ACVR1C: variants seen among roughly 807,000 people sequenced by gnomAD.
The protein encoded by ACVR1C is activin receptor type-1C.
A neutral mutation model predicts 57.9 loss-of-function variants in ACVR1C; 23 were observed. The ratio of observed to expected loss-of-function variants is 0.40; its 90% CI spans 0.29 to 0.56. The LOEUF is 0.56. Ranked by LOEUF, ACVR1C falls within the 20% of genes least tolerant of loss-of-function variation. ACVR1C has a pLI of 0.50. For missense variants in ACVR1C, 480 were observed against 607.9 expected, an observed-to-expected ratio of 0.79 and a Z score of 2.21; for synonymous variants, 214 against 215.3, an observed-to-expected ratio of 0.99 and a Z score of 0.05.
chr2:157,613,525 C>T (rs1682579039), intron 1 of ACVR1C, among the ~76,000 whole-genome samples: 1 of 152,090 alleles, frequency 6.6e-6, no homozygotes, highest in Non-Finnish European at 1.5e-5. Context: ...GGAGGGCCAA[C>T]TGTATAGGAT....
intron 2 of ACVR1C, among the ~76,000 whole-genome samples, chr2:157,584,034 T>C (rs907985913): frequency 7.3e-5 from 11 of 151,012 alleles, no homozygotes; most frequent in African/African-American, 2.7e-4. Flanking sequence ...AATTTCAACC[T>C]TGTGCTCTGT....
intron 8 of ACVR1C, among the ~76,000 whole-genome samples, chr2:157,534,545 T>A (rs189983227): frequency 1.7e-4 from 26 of 152,232 alleles, no homozygotes; most frequent in Non-Finnish European, 2.9e-4. Flanking sequence ...AGTACACAAG[T>A]GTAAACGTAC....
At chr2:157,627,111 T>C (rs774995147) in intron 1 of ACVR1C, among the ~76,000 whole-genome samples, 6 of 152,202 alleles carry the variant, frequency 3.9e-5, no homozygotes, top group Non-Finnish European at 7.3e-5. Context: ...TGTAGAAATG[T>C]GTGCAGCCAA....
In ACVR1C at chr2:157,538,625, A is replaced by C. The variant is rs1234352753; in HGVS notation, c.1304T>G (p.Val435Gly). ...DPSIEEMRKV[V>G]CDQKFRPSIP... Reference sequence around the variant, plus strand: ...ACTTGGTCGAAACTTCTGGTCACAAACAACCTTTCTCATTTCCTCTATCGA... The same window carrying C: ...ACTTGGTCGAAACTTCTGGTCACAACCAACCTTTCTCATTTCCTCTATCGA... The change falls in exon 8 of 9, where the codon GTT (valine) becomes GGT (glycine). Residue 435 changes from valine (V) to glycine (G), a missense_variant. Transcript: ENST00000243349. 1 of 1,586,718 alleles carries C rather than the reference A, an allele frequency of 6.3e-7. No homozygotes were observed. The highest frequency in any genetic ancestry group is 8.6e-7 in the Non-Finnish European group (1 of 1,166,928).
intron 1 of ACVR1C, among the ~76,000 whole-genome samples, chr2:157,622,911 GA>G (rs971222343): frequency 1.4e-4 from 21 of 151,722 alleles, no homozygotes; most frequent in Non-Finnish European, 2.1e-4. Flanking sequence ...ACACTGTAGG[GA>G]AAAAAAATCT....
rs1424033200 is a variant in ACVR1C, at chr2:157,528,032, T to C, written c.*5886A>G. ...AAGATAAAGTATTATTTCTTCTAAGTTCTTTGTTCAATCTGTAGATGTCAA... is the reference window on the plus strand; with the variant it reads ...AAGATAAAGTATTATTTCTTCTAAGCTCTTTGTTCAATCTGTAGATGTCAA... On this transcript the variant is annotated 3_prime_UTR_variant, in exon 9 of 9. Transcript: ENST00000243349. The C allele has an allele frequency of 2.0e-5, 3 of 152,196 alleles. No homozygotes were observed. The highest frequency in any genetic ancestry group is 7.2e-5 in the African/African-American group (3 of 41,452). The allele number at this position is 152,196 out of a possible 1,614,324, so 9.4% of individuals were successfully genotyped here. A position where few individuals can be genotyped will look rare whatever the true frequency, so the allele number is the denominator to read the frequency against.
At chr2:157,555,023 A>G (rs1688061651) in intron 3 of ACVR1C, among the ~76,000 whole-genome samples, 1 of 151,884 alleles carries the variant, frequency 6.6e-6, no homozygotes, top group South Asian at 2.1e-4. Flanking sequence ...AAATAAAAAT[A>G]AAAATAAAAA....
intron 2 of ACVR1C, among the ~76,000 whole-genome samples, chr2:157,572,456 A>G (rs961499906): frequency 7.9e-5 from 12 of 152,148 alleles, no homozygotes; most frequent in Non-Finnish European, 1.8e-4. Context: ...GCTCACTTGG[A>G]AAAAACTGAT....
chr2:157,530,318 G>A lies in ACVR1C; in HGVS notation c.*3600C>T, dbSNP rs1414268626. On this transcript the variant is annotated 3_prime_UTR_variant, in exon 9 of 9. Coordinates refer to ENST00000243349, the MANE Select transcript of ACVR1C (RefSeq NM_145259.3). ...TCAATCAAAGACTATGCCCTAACAA[G>A]CAATTTTAAGTTGTTTACTCAAACT... 1.3e-5 allele frequency: 2 copies of A among 152,146 alleles called. No individual in the cohort carries two copies. 9.4% of individuals were successfully genotyped at this position (152,146 alleles called of 1,614,324 possible).
At chr2:157,554,275 G>GA (rs1688022819) in intron 3 of ACVR1C, among the ~76,000 whole-genome samples, 13 of 123,412 alleles carry the variant, frequency 1.1e-4, no homozygotes, top group African/African-American at 4.8e-4. Context: ...AAGAAAGGAA[G>GA]GAAGGAAGAG....
chr2:157,574,233 C>T (rs1688591593), intron 2 of ACVR1C, among the ~76,000 whole-genome samples: 1 of 152,178 alleles, frequency 6.6e-6, no homozygotes, highest in South Asian at 2.1e-4. Context: ...GCTAGGAAGT[C>T]TAAGATCAAC....
chr2:157,620,537 C>T lies in ACVR1C; in HGVS notation c.73+8035G>A, dbSNP rs188448877. Among the ~76,000 whole-genome samples the T allele has an allele frequency of 8.6e-5, 13 of 151,770 alleles. No individual in the cohort carries two copies. In the East Asian group the frequency reaches 1.9e-3, roughly 23 times the overall value. On this transcript the variant is annotated intron_variant, in intron 1 of 8. Transcript: ENST00000243349. ...CTGGTTTTTTTAAGCTGTAGTAATC[C>T]GGATTACCAGTTTCTGAATTAACAT... is the stretch of plus-strand genomic sequence containing the variant.
intron 2 of ACVR1C, among the ~76,000 whole-genome samples, chr2:157,565,609 A>C (rs1573924243): frequency 6.6e-6 from 1 of 152,208 alleles, no homozygotes; most frequent in East Asian, 1.9e-4. Context: ...AAATCAAGCC[A>C]TGATAGAGGC....
chr2:157,554,201 GAGAA>G (rs70987797), intron 3 of ACVR1C, among the ~76,000 whole-genome samples: 3,211 of 41,420 alleles, frequency 0.078, 143 homozygotes, highest in Non-Finnish European at 0.093. Flanking sequence ...ATAAAGAAGA[GAGAA>G]AGAAAGAAAG....
intron 4 of ACVR1C, among the ~76,000 whole-genome samples, chr2:157,545,611 A>C (rs1373581990): frequency 6.6e-6 from 1 of 152,198 alleles, no homozygotes; most frequent in Non-Finnish European, 1.5e-5. Flanking sequence ...AATGTTGCAA[A>C]AGGTAAAGGA....
At chr2:157,625,624 G>T (rs867894504) in intron 1 of ACVR1C, among the ~76,000 whole-genome samples, 1 of 150,964 alleles carries the variant, frequency 6.6e-6, no homozygotes, top group Non-Finnish European at 1.5e-5. Context: ...GCAGGGGGGT[G>T]GGGGGAAGAA....
intron 1 of ACVR1C, among the ~76,000 whole-genome samples, chr2:157,591,182 T>C (rs1233209151): frequency 2.0e-5 from 3 of 151,948 alleles, no homozygotes; most frequent in African/African-American, 7.2e-5. Context: ...AAGAAATGCA[T>C]CTCTTTCCGC....
At chr2:157,596,753 A>G (rs999925736) in intron 1 of ACVR1C, among the ~76,000 whole-genome samples, 1 of 152,232 alleles carries the variant, frequency 6.6e-6, no homozygotes, top group Non-Finnish European at 1.5e-5. Flanking sequence ...ACTTTATGGC[A>G]AGTCTTTAGA....
At chr2:157,615,339 A>G (rs1189945039) in intron 1 of ACVR1C, among the ~76,000 whole-genome samples, 4 of 151,706 alleles carry the variant, frequency 2.6e-5, no homozygotes, top group Non-Finnish European at 1.5e-5. Context: ...AAAAACACAA[A>G]AAGTAGCCAG....
Sources: allele counts gnomAD v4.1 joint callset (sites outside exome capture counted in the v4.1 genomes callset), GRCh38; gene constraint gnomAD v4.1.1; transcripts MANE v1.5; gene names NCBI Gene and HGNC (gene_info 2026-07-23, HGNC 2026-07-21).